Variants in EML5 observed in about 807,000 individuals in gnomAD.
EML5 encodes EMAP like 5.
EML5 carries 120 observed loss-of-function variants against 250.0 expected under a neutral mutation model. That is an observed-to-expected ratio of 0.48 (90% CI 0.41 to 0.56). EML5 has a LOEUF of 0.56. Ranked by LOEUF, EML5 falls within the 20% of genes least tolerant of loss-of-function variation. The pLI is 0.00. For missense variants in EML5, 2,006 were observed against 2,437.6 expected, an observed-to-expected ratio of 0.82 and a Z score of 3.73; for synonymous variants, 771 against 806.5, an observed-to-expected ratio of 0.96 and a Z score of 0.75.
At chr14:88,642,591 G>T (rs2091125532) in intron 31 of EML5, among the ~76,000 whole-genome samples, 1 of 152,100 alleles carries the variant, frequency 6.6e-6, no homozygotes, top group South Asian at 2.1e-4. Context: ...TAGAATTAAA[G>T]TTACAAACGG....
At chr14:88,713,387 G>A (rs577922328) in intron 9 of EML5, among the ~76,000 whole-genome samples, 1 of 84,100 alleles carries the variant, frequency 1.2e-5, no homozygotes, top group South Asian at 4.1e-4. Context: ...GCGAAACTCC[G>A]TCTCAAAAAA....
chr14:88,681,744 G>A (rs2092718163), intron 21 of EML5, 146 bp downstream of exon 21: 1 of 933,252 alleles, frequency 1.1e-6, no homozygotes, highest in Non-Finnish European at 1.5e-6. Flanking sequence ...GTTTCTCTAT[G>A]TGGCACCATG....
At chr14:88,778,560 C>G (rs2094468510) in intron 1 of EML5, among the ~76,000 whole-genome samples, 1 of 152,196 alleles carries the variant, frequency 6.6e-6, no homozygotes. Context: ...GCGGGTGGAT[C>G]ACGAGGTCAG....
rs750770758 is a variant in EML5, at chr14:88,658,216, T to G, written c.3848A>C (p.Glu1283Ala). Residue 1283 changes from glutamate (E) to alanine (A), a missense_variant, in exon 26 of 44, where the codon GAA (glutamate) becomes GCA (alanine). Transcript: ENST00000554922. ...ATCTTCTTCAGAATCAATGTCGGATTCTTCACTATCACAAGGCCTTTTTTC... is the reference window on the plus strand; with the variant it reads ...ATCTTCTTCAGAATCAATGTCGGATGCTTCACTATCACAAGGCCTTTTTTC... ...YREKRPCDSE[E>A]SDIDSEEDGG... 4.9e-5 allele frequency: 79 copies of G among 1,613,698 alleles called. No individual in the cohort carries two copies. Among genetic ancestry groups the G allele is most frequent in the Non-Finnish European group, 6.4e-5 (75 of 1,179,804 alleles).
chr14:88,640,026 G>A (rs2090969313), intron 31 of EML5, among the ~76,000 whole-genome samples: 1 of 152,188 alleles, frequency 6.6e-6, no homozygotes, highest in Admixed American at 6.5e-5. Context: ...GGTGGAAAAT[G>A]AGTTCAGAGC....
At chr14:88,673,318 C>A (rs1425345368) in intron 21 of EML5, among the ~76,000 whole-genome samples, 1 of 152,168 alleles carries the variant, frequency 6.6e-6, no homozygotes, top group Non-Finnish European at 1.5e-5. Context: ...CAGAAAAGGC[C>A]TTTGATAAAA....
Position 88,792,883 on chromosome 14 carries a change from CGCGCCCCGCCGCGGCTTT to C in EML5, c.-398_-381del, listed in dbSNP as rs1363362205. On this transcript the variant is annotated 5_prime_UTR_variant, in exon 1 of 44. Coordinates refer to ENST00000554922, the MANE Select transcript of EML5 (RefSeq NM_183387.3). The surrounding 1 kb of genome is among the most constrained non-coding windows in gnomAD (Gnocchi z 6.9). Reference sequence around the variant, plus strand: ...CCCAGCCCCGGTCACCTGCGGCGCTCGCGCCCCGCCGCGGCTTTGTAGCCACAGCCTGGCGGACCCGCG... The same window carrying C: ...CCCAGCCCCGGTCACCTGCGGCGCTCGTAGCCACAGCCTGGCGGACCCGCG... 3.3e-6 allele frequency: 1 copy of C among 305,332 alleles called. No individual in the cohort carries two copies. Among genetic ancestry groups the C allele is most frequent in the Non-Finnish European group, 4.8e-6 (1 of 208,060 alleles). 18.9% of individuals were successfully genotyped at this position (305,332 alleles called of 1,614,324 possible).
At chr14:88,712,688 T>C (rs1445381145) in intron 9 of EML5, among the ~76,000 whole-genome samples, 1 of 152,142 alleles carries the variant, frequency 6.6e-6, no homozygotes, top group Non-Finnish European at 1.5e-5. Context: ...CTACAGAAAT[T>C]ATACTGATTC....
rs963893916 is a variant in EML5 at position 88,715,391 on chromosome 14, A to G, written c.1188-196T>C. Among the ~76,000 whole-genome samples, 21 of 152,348 alleles carry G rather than the reference A, an allele frequency of 1.4e-4. No individual in the cohort carries two copies. In the East Asian group the frequency reaches 3.5e-3, roughly 25 times the overall value. ...AATACATGGAAACAATATATGCCAG[A>G]TGTACAGGAAAATGCTGAATTTCAG... On this transcript the variant is annotated intron_variant, in intron 8 of 43. Transcript: ENST00000554922.
Position 88,696,164 on chromosome 14 carries a change from A to AATAT in EML5, c.2344+679_2344+682dup, listed in dbSNP as rs10551487. Among the ~76,000 whole-genome samples, 505 of 147,418 alleles carry AATAT rather than the reference A, an allele frequency of 3.4e-3. 5 individuals are homozygous for AATAT. Among genetic ancestry groups the AATAT allele is most frequent in the South Asian group, 0.011 (50 of 4,632 alleles). Reference sequence around the variant, plus strand: ...TTTCTTAACTGTTAGCAACTCTTTGAATATATATATATATATATATATTTC... The same window carrying AATAT: ...TTTCTTAACTGTTAGCAACTCTTTGAATATATATATATATATATATATATATTTC... On this transcript the variant is annotated intron_variant, in intron 15 of 43. Coordinates refer to ENST00000554922, the MANE Select transcript of EML5 (RefSeq NM_183387.3).
intron 7 of EML5, among the ~76,000 whole-genome samples, chr14:88,731,181 T>C (rs2093751105): frequency 6.6e-6 from 1 of 151,966 alleles, no homozygotes; most frequent in African/African-American, 2.4e-5. Flanking sequence ...TAACTCGTCA[T>C]TTACATTAGG....
At chr14:88,731,527 A>G (rs559235431) in intron 7 of EML5, among the ~76,000 whole-genome samples, 5 of 152,154 alleles carry the variant, frequency 3.3e-5, no homozygotes, top group Non-Finnish European at 7.3e-5. Flanking sequence ...CACAATAAAC[A>G]TACGTGTGCA....
chr14:88,657,531 T>C, intron 26 of EML5, 29 bp from the exon 27 acceptor site: 1 of 1,567,110 alleles, frequency 6.4e-7, no homozygotes, highest in East Asian at 2.3e-5. Context: ...AGTAATTCTT[T>C]AAGCAATAAC....
chr14:88,665,437 G>A lies in EML5; in HGVS notation c.3177C>T (p.Leu1059=). ...TTGCCATTAAGAAGCTTCCATCGTT[G>A]AGACCTACGGCTAAAGCTTTACCAT... ...SPDGKALAVG[L]NDGSFLMANA... Residue 1059 remains leucine, a synonymous_variant, in exon 22 of 44, where the codon CTC becomes CTT. Transcript: ENST00000554922. The A allele has an allele frequency of 1.2e-6, 2 of 1,613,976 alleles. No homozygotes were observed. Among genetic ancestry groups the A allele is most frequent in the Non-Finnish European group, 1.7e-6 (2 of 1,179,882 alleles).
chr14:88,709,396 T>TTTTTTTTTTTTTTTTTTTTTTTTTGAG (rs1566674853), intron 10 of EML5, among the ~76,000 whole-genome samples: 1 of 152,092 alleles, frequency 6.6e-6, no homozygotes, highest in African/African-American at 2.4e-5. Flanking sequence ...AAGTAATTCT[T>TTTTTTTTTTTTTTTTTTTTTTTTTGAG]AAAGATCAAT....
chr14:88,772,508 A>C (rs1255990489), intron 1 of EML5, among the ~76,000 whole-genome samples: 1 of 152,210 alleles, frequency 6.6e-6, no homozygotes, highest in East Asian at 1.9e-4. Context: ...CTGTAACAGC[A>C]CTTTGGGAGG....
At chr14:88,647,856 A>G (rs2091432808) in intron 28 of EML5, among the ~76,000 whole-genome samples, 2 of 152,166 alleles carry the variant, frequency 1.3e-5, no homozygotes, top group Non-Finnish European at 2.9e-5. Flanking sequence ...AATTTTAAAC[A>G]AAACATTTAA....
In EML5 at chr14:88,664,488, C is replaced by T. The variant is rs1287825675; in HGVS notation, c.3409+5G>A. ...TATCAAGTATTAAGTTATTTAAAGT[C>T]TTACCTCTAATATCCCAATCAATAT... is the stretch of plus-strand genomic sequence containing the variant. On this transcript the variant is annotated splice_donor_5th_base_variant and intron_variant, in intron 23 of 43. Transcript: ENST00000554922. 1 of 1,588,548 alleles carries T rather than the reference C, an allele frequency of 6.3e-7. No homozygotes were observed. The highest frequency in any genetic ancestry group is 8.5e-7 in the Non-Finnish European group (1 of 1,172,694).
intron 21 of EML5, among the ~76,000 whole-genome samples, chr14:88,680,150 CATTAA>C (rs1448393599): frequency 6.6e-6 from 1 of 152,068 alleles, no homozygotes; most frequent in Non-Finnish European, 1.5e-5. Context: ...ATATACTAAA[CATTAA>C]ATTATATATT....
Sources: gnomAD v4.1 joint callset for allele counts (sites outside exome capture counted in the v4.1 genomes callset) on GRCh38, gnomAD v4.1.1 for gene constraint, Gnocchi (gnomAD v3.1) non-coding constraint, MANE v1.5 for transcripts, NCBI Gene and HGNC (gene_info 2026-07-23, HGNC 2026-07-21) for gene names.